CEP63: variants seen among roughly 807,000 people sequenced by gnomAD.
CEP63 encodes centrosomal protein of 63 kDa.
CEP63 carries 84 observed loss-of-function variants against 89.1 expected under a neutral mutation model. That is an observed-to-expected ratio of 0.94 (90% CI 0.79 to 1.13). The LOEUF (loss-of-function observed/expected upper bound fraction) is 1.13, where lower values mean the gene tolerates loss of function less well. Among genes scored for constraint, CEP63 ranks in the 50% most tolerant of loss-of-function variants. The pLI, the probability that CEP63 is intolerant of heterozygous loss-of-function variation, is 0.00. For synonymous variants in CEP63, 267 were observed against 272.5 expected, an observed-to-expected ratio of 0.98 and a Z score of 0.20; for missense variants, 838 against 813.3, an observed-to-expected ratio of 1.03 and a Z score of -0.37.
At chr3:134,536,943 T>G (rs1393231461) in intron 5 of CEP63, 6 of 542,656 alleles carry the variant, frequency 1.1e-5, no homozygotes, top group Non-Finnish European at 2.0e-5. Context: ...GGGTGTTAAA[T>G]TTAGAAAGAC....
At chr3:134,608,515 G>A in the CEP63 span, 6 of 1,574,054 alleles carry the variant, frequency 3.8e-6, no homozygotes, top group East Asian at 2.3e-5. Context: ...GCACACACAA[G>A]CTTTGTGCTA....
chr3:134,689,911 C>T, the CEP63 span, among the ~76,000 whole-genome samples: 1 of 152,138 alleles, frequency 6.6e-6, no homozygotes, highest in Admixed American at 6.5e-5. Flanking sequence ...GCAAAGCTGG[C>T]CCCTTCCATA....
chr3:134,661,807 G>C, the CEP63 span, among the ~76,000 whole-genome samples: 3 of 149,208 alleles, frequency 2.0e-5, no homozygotes, highest in African/African-American at 7.4e-5. Context: ...GAATATTTGT[G>C]CCCCCCCCCT....
At chr3:134,724,460 A>T in the CEP63 span, among the ~76,000 whole-genome samples, 2 of 152,220 alleles carry the variant, frequency 1.3e-5, no homozygotes, top group Non-Finnish European at 2.9e-5. Context: ...TTCCAAAAAT[A>T]TTCTCACTGC....
At chr3:134,657,360 G>A in the CEP63 span, among the ~76,000 whole-genome samples, 4 of 152,060 alleles carry the variant, frequency 2.6e-5, no homozygotes, top group Admixed American at 6.6e-5. Flanking sequence ...AGATTTTGGC[G>A]GAGACACAGC....
the CEP63 span, among the ~76,000 whole-genome samples, chr3:134,599,107 A>G: frequency 6.6e-6 from 1 of 152,194 alleles, no homozygotes; most frequent in African/African-American, 2.4e-5. Context: ...CCCCAGGCCC[A>G]CTGCCTGCCA....
At chr3:134,766,576 C>T in the CEP63 span, among the ~76,000 whole-genome samples, 3 of 152,204 alleles carry the variant, frequency 2.0e-5, no homozygotes, top group South Asian at 4.1e-4. Context: ...ACCTGCCTGC[C>T]CACTTTCTCC....
the CEP63 span, among the ~76,000 whole-genome samples, chr3:134,754,211 G>A: frequency 6.6e-6 from 1 of 152,180 alleles, no homozygotes; most frequent in African/African-American, 2.4e-5. Context: ...CAGGCGAAGT[G>A]GTGCCATAGC....
At chr3:134,745,259 T>A in the CEP63 span, among the ~76,000 whole-genome samples, 2 of 152,234 alleles carry the variant, frequency 1.3e-5, no homozygotes, top group African/African-American at 4.8e-5. Context: ...ACTATTGTTT[T>A]GTGTATGTTG....
At chr3:134,495,603 C>G (rs546074524) in intron 2 of CEP63, among the ~76,000 whole-genome samples, 2 of 152,058 alleles carry the variant, frequency 1.3e-5, no homozygotes, top group African/African-American at 4.8e-5. Context: ...GCTAGTCACC[C>G]GACTGTGCTA....
chr3:134,621,397 T>C, the CEP63 span, among the ~76,000 whole-genome samples: 2 of 152,134 alleles, frequency 1.3e-5, no homozygotes, highest in African/African-American at 4.8e-5. Context: ...CAACTGAGAG[T>C]CCAGAAATGG....
At chr3:134,538,442 CA>C (rs1436561384) in intron 6 of CEP63, among the ~76,000 whole-genome samples, 1 of 147,524 alleles carries the variant, frequency 6.8e-6, no homozygotes, top group East Asian at 2.0e-4. Flanking sequence ...TGCAGCCAGA[CA>C]GACCAGTGAA....
the CEP63 span, among the ~76,000 whole-genome samples, chr3:134,652,598 C>G: frequency 1.3e-5 from 2 of 152,020 alleles, no homozygotes; most frequent in Non-Finnish European, 2.9e-5. Context: ...AGGTTTCCTT[C>G]TGCTAAAGTG....
the CEP63 span, among the ~76,000 whole-genome samples, chr3:134,646,898 C>G: frequency 6.6e-6 from 1 of 152,144 alleles, no homozygotes; most frequent in Non-Finnish European, 1.5e-5. Flanking sequence ...TACTTGGCCC[C>G]TTAGTGTTAC....
At chr3:134,627,847 G>C in the CEP63 span, 1 of 1,552,128 alleles carries the variant, frequency 6.4e-7, no homozygotes, top group Non-Finnish European at 8.9e-7. Flanking sequence ...CAGAAGTATA[G>C]ATACTTCAGA....
chr3:134,554,055 T>G (rs1038010874), intron 12 of CEP63, among the ~76,000 whole-genome samples: 16 of 152,278 alleles, frequency 1.1e-4, no homozygotes, highest in Non-Finnish European at 2.1e-4. Flanking sequence ...ATGAAAGGAT[T>G]TATTTTTGTT....
intron 9 of CEP63, among the ~76,000 whole-genome samples, chr3:134,548,773 T>C (rs574902265): frequency 6.6e-6 from 1 of 152,364 alleles, no homozygotes; most frequent in South Asian, 2.1e-4. Context: ...GCTTTATTCC[T>C]TTTGGAATAC....
the CEP63 span, among the ~76,000 whole-genome samples, chr3:134,661,884 G>T: frequency 6.6e-6 from 1 of 151,966 alleles, no homozygotes; most frequent in South Asian, 2.1e-4. Context: ...TTTGGGAAGT[G>T]ATTAAGTCAT....
At chr3:134,550,353 A>C in intron 11 of CEP63, 93 bp downstream of exon 11, 1 of 1,213,008 alleles carries the variant, frequency 8.2e-7, no homozygotes, top group South Asian at 1.3e-5. Context: ...TAATTCAGTG[A>C]ATTTTTATTA....
Sources: allele counts gnomAD v4.1 joint callset (sites outside exome capture counted in the v4.1 genomes callset), GRCh38; gene constraint gnomAD v4.1.1; transcripts MANE v1.5; gene names NCBI Gene and HGNC (gene_info 2026-07-23, HGNC 2026-07-21).